Variants in CACNA2D3 observed in about 807,000 individuals in gnomAD.
The protein encoded by CACNA2D3 is calcium voltage-gated channel auxiliary subunit alpha2delta 3, also known as voltage-dependent calcium channel subunit alpha-2/delta-3.
In CACNA2D3, 60 loss-of-function variants were observed where a neutral mutation model predicts 160.6. The observed-to-expected ratio is 0.37, with a 90% CI of 0.30 to 0.46. The LOEUF is 0.46. CACNA2D3 is among the 20% of genes least tolerant of loss of function. The pLI, the probability that CACNA2D3 is intolerant of heterozygous loss-of-function variation, is 1.00. For missense variants in CACNA2D3, 1,205 were observed against 1,365.0 expected (o/e 0.88, Z 1.85); for synonymous variants, 558 against 492.9 (o/e 1.13, Z -1.75).
chr3:54,758,237 T>C (rs920454410), intron 12 of CACNA2D3, among the ~76,000 whole-genome samples: 10 of 152,242 alleles, frequency 6.6e-5, no homozygotes, highest in African/African-American at 2.4e-4. Flanking sequence ...ACAGCATTCC[T>C]ATTTCCCCAG....
chr3:54,556,102 T>C (rs1395603439), intron 5 of CACNA2D3, among the ~76,000 whole-genome samples: 1 of 152,196 alleles, frequency 6.6e-6, no homozygotes, highest in Non-Finnish European at 1.5e-5. Context: ...GGGTATGTTG[T>C]GTAGGATAAT....
intron 2 of CACNA2D3, among the ~76,000 whole-genome samples, chr3:54,260,069 A>G (rs904010177): frequency 1.3e-5 from 2 of 152,224 alleles, no homozygotes; most frequent in East Asian, 1.9e-4. Context: ...GGAGTCAGCT[A>G]TTAGCCACTT....
At chr3:54,551,225 C>G (rs6445699) in intron 5 of CACNA2D3, among the ~76,000 whole-genome samples, 152,188 of 152,320 alleles carry the variant, frequency 1, 76,028 homozygotes, top group Middle Eastern at 1. Context: ...CCCCATGCCT[C>G]TGCGTTCTGC....
rs150915214 is a variant in CACNA2D3 at position 54,921,742 on chromosome 3, G to A, written c.2449+21874G>A. On this transcript the variant is annotated intron_variant, in intron 27 of 37. Coordinates refer to ENST00000474759, the MANE Select transcript of CACNA2D3 (RefSeq NM_018398.3). The stretch of plus-strand genomic sequence containing the variant: ...CTTGGCGACATCACAAGCTCGAGGG[G>A]TCTTATGTCCCTAAATGACTGCATG... Among the ~76,000 whole-genome samples, 16 of 152,204 alleles carry A rather than the reference G, an allele frequency of 1.1e-4. No individual in the cohort carries two copies. The East Asian group carries it at 2.7e-3, about 26-fold the overall frequency.
At chr3:54,626,591 A>C (rs1699112175) in intron 9 of CACNA2D3, 1 of 1,538,172 alleles carries the variant, frequency 6.5e-7, no homozygotes, top group African/African-American at 1.4e-5. Flanking sequence ...AAGCCCATAA[A>C]GCACGGCGGG....
At chr3:55,010,719 A>G (rs1703193534) in intron 34 of CACNA2D3, among the ~76,000 whole-genome samples, 1 of 152,202 alleles carries the variant, frequency 6.6e-6, no homozygotes, top group African/African-American at 2.4e-5. Context: ...ATCTATTTTA[A>G]TCTAACATTC....
At chr3:54,387,224 C>T (rs1404913720) in intron 4 of CACNA2D3, among the ~76,000 whole-genome samples, 1 of 152,202 alleles carries the variant, frequency 6.6e-6, no homozygotes, top group Admixed American at 6.5e-5. Flanking sequence ...ATTTGAGATT[C>T]AAATATCCAT....
At chr3:54,226,444 A>G (rs545295320) in intron 2 of CACNA2D3, among the ~76,000 whole-genome samples, 58 of 151,588 alleles carry the variant, frequency 3.8e-4, no homozygotes, top group African/African-American at 1.3e-3. Flanking sequence ...CTGGGACCAC[A>G]GGCATGTGCC....
At chr3:54,767,337 T>C (rs1210930498) in intron 13 of CACNA2D3, among the ~76,000 whole-genome samples, 2 of 152,164 alleles carry the variant, frequency 1.3e-5, no homozygotes, top group African/African-American at 4.8e-5. Flanking sequence ...TCTCTACCCC[T>C]CAATCTAGGG....
At chr3:54,156,991 A>G (rs1224501629) in intron 2 of CACNA2D3, among the ~76,000 whole-genome samples, 2 of 152,224 alleles carry the variant, frequency 1.3e-5, no homozygotes, top group African/African-American at 2.4e-5. Context: ...AGTCTGCTAG[A>G]ACTGCTATAA....
intron 27 of CACNA2D3, among the ~76,000 whole-genome samples, chr3:54,927,632 G>A (rs566115482): frequency 1.3e-5 from 2 of 152,098 alleles, no homozygotes; most frequent in East Asian, 1.9e-4. Flanking sequence ...AATAATATAC[G>A]AACTCCAACT....
chr3:54,820,547 T>C (rs1443797914), intron 14 of CACNA2D3, among the ~76,000 whole-genome samples: 1 of 152,212 alleles, frequency 6.6e-6, no homozygotes, highest in African/African-American at 2.4e-5. Flanking sequence ...GTGATGAACC[T>C]GATAAATATT....
chr3:55,064,274 C>T (rs1337782544), intron 35 of CACNA2D3, among the ~76,000 whole-genome samples: 1 of 152,248 alleles, frequency 6.6e-6, no homozygotes, highest in Non-Finnish European at 1.5e-5. Flanking sequence ...ATACCAAATA[C>T]TTAGTACCTG....
chr3:55,016,607 C>G (rs1703332055), intron 34 of CACNA2D3, among the ~76,000 whole-genome samples: 6 of 152,252 alleles, frequency 3.9e-5, no homozygotes, highest in Admixed American at 3.3e-4. Context: ...AGGCTTCACT[C>G]TGCTAAGAGC....
At chr3:54,174,353 G>T (rs2107315083) in intron 2 of CACNA2D3, among the ~76,000 whole-genome samples, 1 of 152,302 alleles carries the variant, frequency 6.6e-6, no homozygotes, top group African/African-American at 2.4e-5. Flanking sequence ...AAAAGAAGAT[G>T]CCTTTGCTAG....
In CACNA2D3 at chr3:54,286,838, G is replaced by A. The variant is rs529040239; in HGVS notation, c.205-33604G>A. ...TATCCAGCCAAACTAAGCTTCGTAAGTGAAGGAGAAATAAAATACTTTACA... is the reference window on the plus strand; with the variant it reads ...TATCCAGCCAAACTAAGCTTCGTAAATGAAGGAGAAATAAAATACTTTACA... On this transcript the variant is annotated intron_variant, in intron 2 of 37. Transcript: ENST00000474759. Among the ~76,000 whole-genome samples, 3 of 152,014 alleles carry A rather than the reference G, an allele frequency of 2.0e-5. No homozygotes were observed. The South Asian group carries it at 6.2e-4, about 32-fold the overall frequency.
intron 2 of CACNA2D3, among the ~76,000 whole-genome samples, chr3:54,217,622 G>T (rs1701484700): frequency 6.6e-6 from 1 of 152,104 alleles, no homozygotes; most frequent in Non-Finnish European, 1.5e-5. Flanking sequence ...GCAGAGATCA[G>T]AGCGAAGTGA....
Position 54,122,628 on chromosome 3 carries a change from C to A in CACNA2D3, c.-86C>A. 1 of 916,540 alleles carries A rather than the reference C, an allele frequency of 1.1e-6. No homozygotes were observed. The highest frequency in any genetic ancestry group is 1.3e-6 in the Non-Finnish European group (1 of 769,588). 56.8% of individuals were successfully genotyped at this position (916,540 alleles called of 1,614,324 possible). On this transcript the variant is annotated 5_prime_UTR_variant, in exon 1 of 38. Transcript: ENST00000474759. ...CGGCGCGGAGCGGAGCAGGCAGCCCCGCGCGCTCGCCCACCGCCCGCTCCG... is the reference window on the plus strand; with the variant it reads ...CGGCGCGGAGCGGAGCAGGCAGCCCAGCGCGCTCGCCCACCGCCCGCTCCG...
intron 2 of CACNA2D3, among the ~76,000 whole-genome samples, chr3:54,163,441 T>G (rs1700387822): frequency 6.6e-6 from 1 of 152,198 alleles, no homozygotes; most frequent in South Asian, 2.1e-4. Flanking sequence ...TCTGGGAGAC[T>G]GCTATCCTTG....
Sources: allele counts gnomAD v4.1 joint callset (sites outside exome capture counted in the v4.1 genomes callset), GRCh38; gene constraint gnomAD v4.1.1; transcripts MANE v1.5; gene names NCBI Gene and HGNC (gene_info 2026-07-23, HGNC 2026-07-21).